The following COL15A1 variants were observed in gnomAD, a reference collection of about 807,000 sequenced individuals.
COL15A1 encodes the protein collagen type XV alpha 1 chain.
Under a neutral mutation model 165.9 loss-of-function variants are expected in COL15A1, and 111 were observed. That is an observed-to-expected ratio of 0.67 (90% CI 0.57 to 0.78). COL15A1 has a LOEUF of 0.78. COL15A1 is among the 30% of genes least tolerant of loss of function. The pLI is 0.00. For missense variants in COL15A1, 1,745 were observed against 1,789.7 expected (o/e 0.98, Z 0.45); for synonymous variants, 659 against 674.8 (o/e 0.98, Z 0.36).
At chr9:98,982,167 G>A (rs1287997267) in intron 2 of COL15A1, among the ~76,000 whole-genome samples, 1 of 152,158 alleles carries the variant, frequency 6.6e-6, no homozygotes, top group Admixed American at 6.5e-5. Context: ...TGCCCAGGCT[G>A]AAGTGCAGTG....
At chr9:99,054,771 C>T in intron 32 of COL15A1, 115 bp downstream of exon 32, 1 of 1,170,732 alleles carries the variant, frequency 8.5e-7, no homozygotes, top group Non-Finnish European at 1.2e-6. Context: ...ACCCTGACCA[C>T]AGGCTCCACT....
chr9:99,034,649 T>A, intron 17 of COL15A1, 65 bp downstream of exon 17: 1 of 1,483,320 alleles, frequency 6.7e-7, no homozygotes, highest in South Asian at 1.4e-5. Flanking sequence ...TTCTTTGAGT[T>A]TACTATAATT....
At chr9:99,001,662 T>A (rs1205340156) in intron 7 of COL15A1, among the ~76,000 whole-genome samples, 1 of 151,890 alleles carries the variant, frequency 6.6e-6, no homozygotes, top group Admixed American at 6.6e-5. Context: ...TGGTTAGGGG[T>A]TTCCTCTCTA....
At chr9:98,968,541 T>C (rs1482633251) in intron 2 of COL15A1, among the ~76,000 whole-genome samples, 1 of 152,116 alleles carries the variant, frequency 6.6e-6, no homozygotes, top group Non-Finnish European at 1.5e-5. Context: ...TCAAACCCCC[T>C]CCATGTGTCT....
At position 99,040,526 on chromosome 9, in the gene COL15A1, G is replaced by A. The variant is rs202127763; in HGVS notation, c.2481G>A (p.Pro827=). The change falls in exon 23 of 42, where the codon CCG becomes CCA. Residue 827 remains proline, a synonymous_variant. Transcript: ENST00000375001. ...CTATCTTTGGTGTGTCACAGGGGCCGGACGGGTTGCCTGGGCTGCCAGGAT... is the reference window on the plus strand; with the variant it reads ...CTATCTTTGGTGTGTCACAGGGGCCAGACGGGTTGCCTGGGCTGCCAGGAT... ...DIPELVGPPG[P]DGLPGLPGFP... 50 of 1,614,150 alleles carry A rather than the reference G, an allele frequency of 3.1e-5. No individual in the cohort carries two copies. The highest frequency in any genetic ancestry group is 1.9e-4 in the African/African-American group (14 of 75,022).
chr9:98,980,053 G>T (rs1222415345), intron 2 of COL15A1, among the ~76,000 whole-genome samples: 1 of 152,090 alleles, frequency 6.6e-6, no homozygotes, highest in Non-Finnish European at 1.5e-5. Flanking sequence ...AGACATTTGG[G>T]AGGCTGAGAG....
rs1349060646 is a variant in COL15A1, at chr9:99,010,783, CT to C, written c.1354-4629del. ...AATAACCTTAATTAAAAAAAATATT[CT>C]TTTTGTTAATCTGCATCTTTTCTAA... is the stretch of plus-strand genomic sequence containing the variant. On this transcript the variant is annotated intron_variant, in intron 9 of 41. Coordinates refer to ENST00000375001, the MANE Select transcript of COL15A1 (RefSeq NM_001855.5). 2.6e-5 allele frequency among the ~76,000 whole-genome samples: 4 copies of C among 152,216 alleles called. No homozygotes were observed. In the South Asian group the frequency reaches 8.3e-4, roughly 32 times the overall value.
At chr9:98,978,197 C>T (rs560116110) in intron 2 of COL15A1, among the ~76,000 whole-genome samples, 1 of 152,306 alleles carries the variant, frequency 6.6e-6, no homozygotes. Context: ...TAAGCAGACT[C>T]CTAGGCATAA....
intron 6 of COL15A1, among the ~76,000 whole-genome samples, chr9:98,998,029 G>A (rs1407746300): frequency 6.6e-6 from 1 of 152,200 alleles, no homozygotes; most frequent in Non-Finnish European, 1.5e-5. Flanking sequence ...CCAGGGACAT[G>A]CTCGTGGTAT....
At chr9:99,025,991 A>G (rs781720671) in intron 16 of COL15A1, 25 bp downstream of exon 16, 2 of 1,595,568 alleles carry the variant, frequency 1.3e-6, no homozygotes, top group Non-Finnish European at 1.7e-6. Flanking sequence ...GGAGGGTCCC[A>G]CCACATGGGA....
intron 2 of COL15A1, among the ~76,000 whole-genome samples, chr9:98,982,166 T>C (rs1838244370): frequency 6.6e-6 from 1 of 152,160 alleles, no homozygotes; most frequent in South Asian, 2.1e-4. Context: ...TTGCCCAGGC[T>C]GAAGTGCAGT....
At chr9:99,010,800 T>G (rs1370515710) in intron 9 of COL15A1, among the ~76,000 whole-genome samples, 1 of 152,252 alleles carries the variant, frequency 6.6e-6, no homozygotes, top group African/African-American at 2.4e-5. Flanking sequence ...TTAATCTGCA[T>G]CTTTTCTAAG....
At chr9:99,047,391 G>C (rs1285843450) in intron 26 of COL15A1, among the ~76,000 whole-genome samples, 1 of 152,216 alleles carries the variant, frequency 6.6e-6, no homozygotes, top group African/African-American at 2.4e-5. Flanking sequence ...ATTCAGAATG[G>C]GGGATGCGAT....
At chr9:98,971,634 G>C (rs1033642435) in intron 2 of COL15A1, among the ~76,000 whole-genome samples, 1 of 152,212 alleles carries the variant, frequency 6.6e-6, no homozygotes, top group Non-Finnish European at 1.5e-5. Context: ...AGGAAGGGAC[G>C]TAAAGACCCC....
In COL15A1 at chr9:99,024,889, C is replaced by G. The variant is rs766944516; in HGVS notation, c.1870C>G (p.Pro624Ala). The change falls in exon 15 of 42, where the codon CCA becomes GCA. Residue 624 changes from proline (P) to alanine (A), a missense_variant. Coordinates refer to ENST00000375001, the MANE Select transcript of COL15A1 (RefSeq NM_001855.5). ...EQLLRGPPGP[P>A]GPPGLPGIPG... The stretch of plus-strand genomic sequence containing the variant: ...GTGTTTTTAGGGTCCTCCAGGACCC[C>G]CAGGGCCACCTGGCTTACCTGGGAT... 1 of 1,613,912 alleles carries G rather than the reference C, an allele frequency of 6.2e-7. No homozygotes were observed. Among genetic ancestry groups the G allele is most frequent in the African/African-American group, 1.3e-5 (1 of 75,042 alleles).
intron 2 of COL15A1, among the ~76,000 whole-genome samples, chr9:98,973,016 G>A (rs149189934): frequency 1.3e-3 from 197 of 152,316 alleles, no homozygotes; most frequent in Admixed American, 2.7e-3. Flanking sequence ...TGATCCCTGC[G>A]TTGCCTGCCT....
intron 40 of COL15A1, among the ~76,000 whole-genome samples, chr9:99,067,667 G>A (rs1825916559): frequency 6.6e-6 from 1 of 152,196 alleles, no homozygotes; most frequent in Non-Finnish European, 1.5e-5. Flanking sequence ...GGTACTTCAA[G>A]ACCCTTTAGT....
At chr9:99,036,091 G>C in intron 19 of COL15A1, 79 bp from the exon 20 acceptor site, 1 of 1,181,346 alleles carries the variant, frequency 8.5e-7, no homozygotes, top group South Asian at 1.2e-5. Context: ...AAAAGCTTAG[G>C]GGGAGATGGT....
In COL15A1 at chr9:98,986,114, T is replaced by G. The variant is rs1304083343; in HGVS notation, c.648+2T>G. ...GCTACAGGGCTCGAGAGATTCACTGTGAGTTAAAGTCCCACTCCAGGTAGA... is the reference window on the plus strand; with the variant it reads ...GCTACAGGGCTCGAGAGATTCACTGGGAGTTAAAGTCCCACTCCAGGTAGA... On this transcript the variant is annotated splice_donor_variant, in intron 3 of 41. Coordinates refer to ENST00000375001, the MANE Select transcript of COL15A1 (RefSeq NM_001855.5). LOFTEE classifies it high-confidence loss of function. 6.2e-7 allele frequency: 1 copy of G among 1,609,912 alleles called. No homozygotes were observed. The highest frequency in any genetic ancestry group is 1.3e-5 in the African/African-American group (1 of 74,976).
Sources: gnomAD v4.1 joint callset for allele counts (sites outside exome capture counted in the v4.1 genomes callset) on GRCh38, gnomAD v4.1.1 for gene constraint, MANE v1.5 for transcripts, NCBI Gene and HGNC (gene_info 2026-07-23, HGNC 2026-07-21) for gene names.